STAU2: variants seen among roughly 807,000 people sequenced by gnomAD.
STAU2 encodes staufen double-stranded RNA binding protein 2.
In STAU2, 20 loss-of-function variants were observed where a neutral mutation model predicts 65.9. That is an observed-to-expected ratio of 0.30 (90% confidence interval 0.21 to 0.44). The LOEUF (loss-of-function observed/expected upper bound fraction) is 0.44. STAU2 is among the 20% of genes least tolerant of loss of function. STAU2 has a pLI of 1.00. For missense variants in STAU2, 558 were observed against 683.9 expected (o/e 0.82, Z 2.05); for synonymous variants, 232 against 233.9 (o/e 0.99, Z 0.07).
At chr8:73,552,478 T>C (rs552182716) in intron 12 of STAU2, among the ~76,000 whole-genome samples, 159 bp from the exon 13 acceptor site, 154 of 152,340 alleles carry the variant, frequency 1.0e-3, no homozygotes, top group African/African-American at 3.6e-3. Flanking sequence ...TTGCAGCTTC[T>C]ATTGAAAGGT....
chr8:73,696,490 C>T (rs1819700450), intron 4 of STAU2, among the ~76,000 whole-genome samples: 1 of 152,116 alleles, frequency 6.6e-6, no homozygotes, highest in African/African-American at 2.4e-5. Context: ...AAATTCAAGA[C>T]AACACAGAAA....
chr8:73,707,383 A>C (rs1645757838), intron 4 of STAU2, among the ~76,000 whole-genome samples: 1 of 152,232 alleles, frequency 6.6e-6, no homozygotes, highest in Non-Finnish European at 1.5e-5. Context: ...GGTAATGATA[A>C]GGTCAAGAAT....
intron 5 of STAU2, among the ~76,000 whole-genome samples, chr8:73,679,882 C>G (rs917271607): frequency 1.3e-5 from 2 of 149,720 alleles, no homozygotes; most frequent in African/African-American, 4.9e-5. Context: ...GACTGAGACT[C>G]CACCTAAAAA....
intron 8 of STAU2, among the ~76,000 whole-genome samples, chr8:73,614,239 G>A (rs1402141267): frequency 2.0e-5 from 3 of 151,882 alleles, no homozygotes; most frequent in Non-Finnish European, 1.5e-5. Context: ...CATGTCTTAT[G>A]GAACACAAAT....
intron 3 of STAU2, among the ~76,000 whole-genome samples, chr8:73,728,713 C>A (rs1805827118): frequency 1.3e-5 from 2 of 152,064 alleles, no homozygotes; most frequent in South Asian, 4.1e-4. Flanking sequence ...TTTAAAATTT[C>A]TTTTTGTATT....
At chr8:73,578,234 T>C (rs1288659761) in intron 12 of STAU2, among the ~76,000 whole-genome samples, 1 of 152,196 alleles carries the variant, frequency 6.6e-6, no homozygotes, top group Non-Finnish European at 1.5e-5. Flanking sequence ...CGGAGAATAT[T>C]GCAGAAAAAC....
chr8:73,477,540 T>C (rs538964532), intron 13 of STAU2, among the ~76,000 whole-genome samples: 2 of 152,334 alleles, frequency 1.3e-5, no homozygotes, highest in South Asian at 2.1e-4. Flanking sequence ...AGGAATGATA[T>C]GAACAGCCTT....
chr8:73,513,005 T>C (rs1289051090), intron 13 of STAU2, among the ~76,000 whole-genome samples: 1 of 152,236 alleles, frequency 6.6e-6, no homozygotes, highest in Non-Finnish European at 1.5e-5. Context: ...ATAGTACATC[T>C]GAGCCCACTC....
At chr8:73,489,943 G>A (rs954668962) in intron 13 of STAU2, among the ~76,000 whole-genome samples, 1 of 152,004 alleles carries the variant, frequency 6.6e-6, no homozygotes, top group South Asian at 2.1e-4. Flanking sequence ...AAGAGAGGGG[G>A]GAAATCCTTT....
intron 13 of STAU2, among the ~76,000 whole-genome samples, chr8:73,483,740 G>C (rs1820765033): frequency 6.6e-6 from 1 of 152,302 alleles, no homozygotes; most frequent in South Asian, 2.1e-4. Context: ...AGCTATCACT[G>C]AAATAATGAG....
At chr8:73,654,637 C>CAAAAAAAAAAA (rs71269928) in intron 6 of STAU2, among the ~76,000 whole-genome samples, 694 of 26,226 alleles carry the variant, frequency 0.026, 62 homozygotes, top group East Asian at 0.052. Flanking sequence ...AAGATTGTCT[C>CAAAAAAAAAAA]AAAAAAAAAA....
intron 5 of STAU2, among the ~76,000 whole-genome samples, chr8:73,682,390 T>C (rs1221148392): frequency 1.3e-5 from 2 of 151,506 alleles, no homozygotes; most frequent in African/African-American, 2.4e-5. Flanking sequence ...GGGTCAACAA[T>C]GAAATCAAAA....
At chr8:73,647,371 A>C (rs1815472120) in intron 6 of STAU2, among the ~76,000 whole-genome samples, 1 of 152,248 alleles carries the variant, frequency 6.6e-6, no homozygotes, top group African/African-American at 2.4e-5. Flanking sequence ...TGTGGTACAC[A>C]GAACACTACT....
At chr8:73,695,576 G>A (rs1016176861) in intron 4 of STAU2, among the ~76,000 whole-genome samples, 4 of 152,106 alleles carry the variant, frequency 2.6e-5, no homozygotes, top group African/African-American at 9.7e-5. Context: ...AAGAAAAGCA[G>A]ACAGAAAAGT....
chr8:73,567,679 T>C (rs920343509), intron 12 of STAU2, among the ~76,000 whole-genome samples: 7 of 151,834 alleles, frequency 4.6e-5, no homozygotes, highest in Non-Finnish European at 1.0e-4. Context: ...TCCTGAGTAA[T>C]TGGAATTATA....
chr8:73,539,280 A>G (rs1806369451), intron 13 of STAU2, among the ~76,000 whole-genome samples: 1 of 152,236 alleles, frequency 6.6e-6, no homozygotes, highest in Non-Finnish European at 1.5e-5. Context: ...AGAAAAGGCA[A>G]TCAATAGACA....
chr8:73,738,012 C>T lies in STAU2; in HGVS notation c.-18+272G>A, dbSNP rs551266567. ...GTATCATGATCATAAGCATTCTGAA[C>T]ACATTAACAAGTCCTAAAGGGATGT... On this transcript the variant is annotated intron_variant, in intron 3 of 14. Coordinates refer to ENST00000524300, the MANE Select transcript of STAU2 (RefSeq NM_001164380.2). Among the ~76,000 whole-genome samples, 30 of 151,992 alleles carry T rather than the reference C, an allele frequency of 2.0e-4. No homozygotes were observed. The South Asian group carries it at 6.2e-3, about 32-fold the overall frequency.
intron 3 of STAU2, among the ~76,000 whole-genome samples, chr8:73,713,494 C>A (rs1401532613): frequency 6.6e-6 from 1 of 152,080 alleles, no homozygotes; most frequent in Non-Finnish European, 1.5e-5. Context: ...GTTACAAAAA[C>A]TCCTTAGACA....
intron 6 of STAU2, among the ~76,000 whole-genome samples, chr8:73,620,573 G>A (rs562004200): frequency 1.3e-5 from 2 of 152,186 alleles, no homozygotes; most frequent in Non-Finnish European, 2.9e-5. Flanking sequence ...GCACACCAAA[G>A]AGCCCTTGGG....
Sources: gnomAD v4.1 joint callset for allele counts (sites outside exome capture counted in the v4.1 genomes callset) on GRCh38, gnomAD v4.1.1 for gene constraint, MANE v1.5 for transcripts, NCBI Gene and HGNC (gene_info 2026-07-23, HGNC 2026-07-21) for gene names.